The following PATJ variants were observed in gnomAD, a reference collection of about 807,000 sequenced individuals.
PATJ encodes the protein inaD-like protein.
In PATJ, 190 loss-of-function variants were observed where a neutral mutation model predicts 224.9. That is an observed-to-expected ratio of 0.84 (90% CI 0.75 to 0.95). PATJ has a LOEUF of 0.95. Ranked by LOEUF, PATJ falls within the 40% of genes least tolerant of loss-of-function variation. The pLI is 0.00. For synonymous variants in PATJ, 769 were observed against 820.3 expected, an observed-to-expected ratio of 0.94 and a Z score of 1.07; for missense variants, 2,121 against 2,270.3, an observed-to-expected ratio of 0.93 and a Z score of 1.34.
At chr1:62,047,810 A>G (rs1044531214) in intron 30 of PATJ, among the ~76,000 whole-genome samples, 1 of 152,038 alleles carries the variant, frequency 6.6e-6, no homozygotes, top group Admixed American at 6.6e-5. Flanking sequence ...TCACATGGTA[A>G]CTCCTTGATT....
At chr1:61,843,084 G>A (rs997712203) in intron 17 of PATJ, among the ~76,000 whole-genome samples, 3 of 152,212 alleles carry the variant, frequency 2.0e-5, no homozygotes, top group African/African-American at 7.2e-5. Flanking sequence ...GTGAGTGCCA[G>A]GAAGTGGTGC....
chr1:61,818,402 A>G (rs1404941629), intron 14 of PATJ, among the ~76,000 whole-genome samples: 1 of 152,144 alleles, frequency 6.6e-6, no homozygotes, highest in East Asian at 1.9e-4. Flanking sequence ...CGTCTGTTTC[A>G]CTCACTCTGT....
At chr1:61,996,876 G>A (rs950903449) in intron 28 of PATJ, among the ~76,000 whole-genome samples, 5 of 151,288 alleles carry the variant, frequency 3.3e-5, no homozygotes, top group Non-Finnish European at 7.4e-5. Context: ...CCGAGTACCT[G>A]GGATTACAGG....
intron 31 of PATJ, among the ~76,000 whole-genome samples, chr1:62,054,827 C>T (rs1024030998): frequency 7.2e-5 from 11 of 151,978 alleles, no homozygotes; most frequent in Admixed American, 1.3e-4. Flanking sequence ...GATGCCGAGG[C>T]GGGGAGATCA....
intron 25 of PATJ, among the ~76,000 whole-genome samples, chr1:61,912,548 C>T (rs1458738394): frequency 6.6e-6 from 1 of 151,444 alleles, no homozygotes; most frequent in African/African-American, 2.4e-5. Flanking sequence ...GCCAAGACTG[C>T]ACTGCAGTGG....
At chr1:62,153,602 A>C (rs921213444) in intron 43 of PATJ, 121 bp downstream of exon 43, 1 of 515,204 alleles carries the variant, frequency 1.9e-6, no homozygotes, top group African/African-American at 2.0e-5. Context: ...TGCTCATTTC[A>C]TTTGAATCTT....
chr1:62,133,908 G>T (rs1487185691), intron 41 of PATJ, among the ~76,000 whole-genome samples: 2 of 151,844 alleles, frequency 1.3e-5, no homozygotes, highest in Non-Finnish European at 2.9e-5. Flanking sequence ...CACCATGCCC[G>T]GCTAATTTTT....
intron 29 of PATJ, among the ~76,000 whole-genome samples, chr1:62,035,732 C>T (rs1308098042): frequency 6.6e-6 from 1 of 151,754 alleles, no homozygotes; most frequent in East Asian, 1.9e-4. Context: ...ATGCTTCCCA[C>T]CCAGAGAGAA....
rs374095465 is a variant in PATJ at position 61,745,893 on chromosome 1, C to T, written c.-36+3338C>T. 2.5e-4 allele frequency among the ~76,000 whole-genome samples: 38 copies of T among 151,728 alleles called. 1 individual carries two copies. In the East Asian group the frequency reaches 3.3e-3, roughly 13 times the overall value. ...TGCTGGGATTACAGGCGTGAACCAC[C>T]GGGCCTGGCAATTATTTTTTTTTTT... On this transcript the variant is annotated intron_variant, in intron 1 of 43. Transcript: ENST00000642238.
chr1:61,801,959 T>G (rs948381634), intron 12 of PATJ, among the ~76,000 whole-genome samples, 190 bp downstream of exon 12: 8 of 151,462 alleles, frequency 5.3e-5, no homozygotes, highest in Admixed American at 1.3e-4. Context: ...AATTGTACTT[T>G]AAGTTCTAGG....
intron 24 of PATJ, among the ~76,000 whole-genome samples, chr1:61,903,243 G>T (rs1385613459): frequency 6.6e-6 from 1 of 152,228 alleles, no homozygotes; most frequent in Non-Finnish European, 1.5e-5. Context: ...AAGAATGGCG[G>T]CCTGGACCAG....
intron 33 of PATJ, among the ~76,000 whole-genome samples, chr1:62,094,558 A>AACACACACACACACACAC (rs58104906): frequency 1.5e-5 from 2 of 132,536 alleles, no homozygotes; most frequent in South Asian, 2.6e-4. Flanking sequence ...ATTCTGTCTC[A>AACACACACACACACACAC]ACACACACAC....
intron 25 of PATJ, among the ~76,000 whole-genome samples, chr1:61,913,895 C>G (rs556629180): frequency 2.0e-5 from 3 of 152,324 alleles, no homozygotes; most frequent in East Asian, 1.9e-4. Flanking sequence ...CCCTAAAACT[C>G]TATCTTGCAA....
intron 22 of PATJ, among the ~76,000 whole-genome samples, chr1:61,895,274 A>T (rs1211617779): frequency 6.6e-6 from 1 of 152,264 alleles, no homozygotes; most frequent in Non-Finnish European, 1.5e-5. Context: ...AGAAATTTGC[A>T]TAAGTAACAA....
intron 27 of PATJ, among the ~76,000 whole-genome samples, chr1:61,943,978 AAACTCC>A (rs1488250244): frequency 6.6e-6 from 1 of 152,154 alleles, no homozygotes; most frequent in Non-Finnish European, 1.5e-5. Context: ...GACCCCCAGC[AAACTCC>A]AACAGACCTG....
At chr1:61,943,213 TC>T (rs1304100167) in intron 27 of PATJ, among the ~76,000 whole-genome samples, 2 of 152,178 alleles carry the variant, frequency 1.3e-5, no homozygotes, top group African/African-American at 2.4e-5. Context: ...TTGGGTGATT[TC>T]TGCATTTCCA....
chr1:62,055,959 C>G (rs1654466692), intron 31 of PATJ, among the ~76,000 whole-genome samples: 1 of 152,150 alleles, frequency 6.6e-6, no homozygotes, highest in Non-Finnish European at 1.5e-5. Context: ...AAAAGCTCTG[C>G]AGTCCAAAGG....
rs569188355 is a variant in PATJ, at chr1:62,140,392, C to T, written c.5272-7892C>T. ...TTTTGGCCGAGCGTGGTGGCTCACG[C>T]CAGTAATCCCAGCACTTTGGGAGGC... On this transcript the variant is annotated intron_variant, in intron 41 of 43. Coordinates refer to ENST00000642238, the MANE Select transcript of PATJ (RefSeq NM_001350145.3). Among the ~76,000 whole-genome samples, 113 of 152,286 alleles carry T rather than the reference C, an allele frequency of 7.4e-4. 3 individuals are homozygous for T. Among genetic ancestry groups the T allele is most frequent in the Admixed American group, 1.7e-3 (26 of 15,294 alleles).
intron 28 of PATJ, among the ~76,000 whole-genome samples, chr1:62,010,905 A>G (rs143304898): frequency 2.6e-5 from 4 of 152,330 alleles, no homozygotes; most frequent in Admixed American, 2.0e-4. Context: ...AAGTTTCTAC[A>G]TCATCACTTG....
Sources: allele counts gnomAD v4.1 joint callset (sites outside exome capture counted in the v4.1 genomes callset), GRCh38; gene constraint gnomAD v4.1.1; transcripts MANE v1.5; gene names NCBI Gene and HGNC (gene_info 2026-07-23, HGNC 2026-07-21).